GOLGA8S: variants seen among roughly 807,000 people sequenced by gnomAD.
GOLGA8S encodes golgin subfamily A member 8S.
A neutral mutation model predicts 58.9 loss-of-function variants in GOLGA8S; 23 were observed. The observed-to-expected ratio is 0.39, with a 90% CI of 0.28 to 0.55. GOLGA8S has a LOEUF of 0.55. Ranked by LOEUF, GOLGA8S falls within the 20% of genes least tolerant of loss-of-function variation. The pLI is 0.63. For synonymous variants in GOLGA8S, 84 were observed against 195.7 expected, an observed-to-expected ratio of 0.43 and a Z score of 4.76; for missense variants, 266 against 514.2, an observed-to-expected ratio of 0.52 and a Z score of 4.67.
rs1427733529 is a variant in GOLGA8S at position 23,364,517 on chromosome 15, C to T, written c.1449-9C>T. 6.2e-7 allele frequency: 1 copy of T among 1,603,316 alleles called. No homozygotes were observed. Among genetic ancestry groups the T allele is most frequent in the Non-Finnish European group, 8.5e-7 (1 of 1,178,842 alleles). ...GGGGCCCCAGCGTCTGAGCCCTGTC[C>T]TCCCGCAGGAAAATCCATCACCTTT... On this transcript the variant is annotated splice_polypyrimidine_tract_variant and intron_variant, in intron 16 of 18. Coordinates refer to ENST00000562295, the Ensembl canonical transcript of GOLGA8S.
In GOLGA8S at chr15:23,360,697, C is replaced by A. The variant is rs1209581396; in HGVS notation, c.787-31C>A. On this transcript the variant is annotated intron_variant, in intron 10 of 18. Coordinates refer to ENST00000562295, the Ensembl canonical transcript of GOLGA8S. ...CCTGTCCAGCCTCCAGCCCCTCTCTCCAGGGCCCTTTCCCCCTGTGCTTTG... is the reference window on the plus strand; with the variant it reads ...CCTGTCCAGCCTCCAGCCCCTCTCTACAGGGCCCTTTCCCCCTGTGCTTTG... The A allele has an allele frequency of 2.7e-6, 3 of 1,108,538 alleles. No individual in the cohort carries two copies. In the East Asian group the frequency reaches 7.0e-5, roughly 26 times the overall value. 68.7% of individuals were successfully genotyped at this position (1,108,538 alleles called of 1,614,324 possible). A position where few individuals can be genotyped will look rare whatever the true frequency, so the allele number is the denominator to read the frequency against.
chr15:23,364,025 G>T (rs1346817686), intron 15 of GOLGA8S, among the ~76,000 whole-genome samples: 3 of 137,190 alleles, frequency 2.2e-5, no homozygotes, highest in Non-Finnish European at 4.7e-5. Context: ...TTGCCCTCAG[G>T]TGGCATTTTT....
chr15:23,366,488 G>A (rs1250601890), downstream of GOLGA8S: 1 of 151,956 alleles, frequency 6.6e-6, no homozygotes, highest in African/African-American at 2.4e-5. Flanking sequence ...GAAAATCAAG[G>A]AGAAGTTTAT....
chr15:23,361,279 G>A, exon 12 of GOLGA8S: 4 of 1,473,320 alleles, frequency 2.7e-6, no homozygotes, highest in South Asian at 2.3e-5. Flanking sequence ...TGCAGCACCT[G>A]AGGAAGGAAC....
At chr15:23,366,503 C>T (rs1260555839), downstream of GOLGA8S, 1 of 151,886 alleles carries the variant, frequency 6.6e-6, no homozygotes, top group African/African-American at 2.4e-5. Flanking sequence ...GTTTATGAAA[C>T]TTAAAATGTG....
chr15:23,367,910 GA>G (rs915526694), downstream of GOLGA8S, among the ~76,000 whole-genome samples: 1 of 149,672 alleles, frequency 6.7e-6, no homozygotes, highest in Admixed American at 6.7e-5. Context: ...TTCCAGAAAT[GA>G]AAAAAAAATC....
chr15:23,361,316 G>C, exon 12 of GOLGA8S: 1 of 1,288,162 alleles, frequency 7.8e-7, no homozygotes, highest in Non-Finnish European at 1.1e-6. Flanking sequence ...AGCGCTCCAG[G>C]CCCAGGTGGA....
downstream of GOLGA8S, chr15:23,366,733 G>A (rs1405710123): frequency 6.6e-6 from 1 of 150,736 alleles, no homozygotes; most frequent in Non-Finnish European, 1.5e-5. Flanking sequence ...TGCCTAAATC[G>A]TAACTTGATG....
chr15:23,361,429 C>T (rs747845626), exon 12 of GOLGA8S: 41 of 787,290 alleles, frequency 5.2e-5, no homozygotes, highest in Admixed American at 3.3e-4. Context: ...AGCAGCTGGC[C>T]GAGCCACAGA....
chr15:23,361,270 G>A lies in GOLGA8S; in HGVS notation c.924G>A (p.Leu308=), dbSNP rs763845375. Reference sequence around the variant, plus strand: ...CAGCAGTGCCCTCTGAGGCGGAGCTGCAGCACCTGAGGAAGGAACTAGAGA... The same window carrying A: ...CAGCAGTGCCCTCTGAGGCGGAGCTACAGCACCTGAGGAAGGAACTAGAGA... Residue 308 remains leucine (L), a synonymous_variant, in exon 12 of 19, where the codon CTG becomes CTA. Coordinates refer to ENST00000562295, the Ensembl canonical transcript of GOLGA8S. The A allele has an allele frequency of 1.0e-4, 154 of 1,489,790 alleles. 5 individuals carry two copies. The highest frequency in any genetic ancestry group is 1.4e-4 in the Non-Finnish European group (150 of 1,079,452). 92.3% of individuals were successfully genotyped at this position (1,489,790 alleles called of 1,614,324 possible). A position where few individuals can be genotyped will look rare whatever the true frequency, so the allele number is the denominator to read the frequency against.
rs140059935 is a variant in GOLGA8S at position 23,364,403 on chromosome 15, G to T, written c.1408G>T (p.Glu470Ter). The change falls in exon 16 of 19, where the codon GAA becomes TAA. Residue 470 changes from glutamate (E) to a stop codon, truncating the protein, a stop_gained. Coordinates refer to ENST00000562295, the Ensembl canonical transcript of GOLGA8S. LOFTEE classifies it high-confidence loss of function. ...CCTGAGTGAGCTGGTGAAGAAACAA[G>T]AACTTCGCTTCATTCAATACTGGCA... 206,194 of 1,603,938 alleles carry T rather than the reference G, an allele frequency of 0.13. 15,072 individuals are homozygous for T. Among genetic ancestry groups the T allele is most frequent in the East Asian group, 0.24 (10,605 of 44,830 alleles).
At chr15:23,360,926 A>C (rs1479587347) in intron 11 of GOLGA8S, 111 bp downstream of exon 11, 2 of 792,938 alleles carry the variant, frequency 2.5e-6, no homozygotes, top group East Asian at 4.8e-5. Flanking sequence ...AGGCAGAGGG[A>C]AAGAGGTCTG....
chr15:23,367,659 T>C (rs1321105706), downstream of GOLGA8S, among the ~76,000 whole-genome samples: 5 of 151,992 alleles, frequency 3.3e-5, no homozygotes, highest in East Asian at 1.9e-4. Context: ...CCAAAGTGCA[T>C]GCAGTCTTTT....
downstream of GOLGA8S, among the ~76,000 whole-genome samples, chr15:23,368,327 G>A (rs1252234980): frequency 2.0e-5 from 3 of 151,720 alleles, no homozygotes; most frequent in Non-Finnish European, 4.4e-5. Context: ...TCTAAGTGTT[G>A]TTTTTGCCTT....
chr15:23,365,017 C>A, exon 19 of GOLGA8S: 1 of 1,579,414 alleles, frequency 6.3e-7, no homozygotes, highest in Non-Finnish European at 8.6e-7. Flanking sequence ...AGGATCCTCT[C>A]CTTGACAAGC....
At position 23,360,814 on chromosome 15, in the gene GOLGA8S, GGGTAAGATGGGGCTGGCGTGACCT is replaced by G; in HGVS notation, c.874+2_874+25del. 6.9e-7 allele frequency: 1 copy of G among 1,439,500 alleles called. No homozygotes were observed. The highest frequency in any genetic ancestry group is 9.8e-7 in the Non-Finnish European group (1 of 1,023,438). 89.2% of individuals were successfully genotyped at this position (1,439,500 alleles called of 1,614,324 possible). On this transcript the variant is annotated splice_donor_variant and splice_donor_5th_base_variant and coding_sequence_variant and intron_variant, in exon 11 of 19. Transcript: ENST00000562295. LOFTEE classifies it high-confidence loss of function. ...GCTTGTCCAAACTCAAAAACCAGAT[GGGTAAGATGGGGCTGGCGTGACCT>G]GGCAGCAGGACTGGCATCAGAGGGC... is the stretch of plus-strand genomic sequence containing the variant.
intron 15 of GOLGA8S, 148 bp downstream of exon 15, chr15:23,363,917 A>G (rs4036688): frequency 0.025 from 14,492 of 576,784 alleles, 527 homozygotes; most frequent in Admixed American, 0.1. Flanking sequence ...TTCACCTGTG[A>G]CCAACATGTG....
Position 23,361,228 on chromosome 15 carries a change from T to C in GOLGA8S, c.882T>C (p.Pro294=), listed in dbSNP as rs750963192. The C allele has an allele frequency of 1.5e-5, 22 of 1,468,500 alleles. 2 individuals are homozygous for C. The highest frequency in any genetic ancestry group is 3.5e-5 in the South Asian group (3 of 86,850). 91.0% of individuals were successfully genotyped at this position (1,468,500 alleles called of 1,614,324 possible). Residue 294 remains proline, a synonymous_variant, in exon 12 of 19, where the codon CCT becomes CCC. Coordinates refer to ENST00000562295, the Ensembl canonical transcript of GOLGA8S. ...GTCTGCTTCCTTTCTCAGCTGAACC[T>C]CTGCCCCCGGAGCCCCCAGCAGTGC...
downstream of GOLGA8S, chr15:23,365,523 A>G (rs2069906240): frequency 9.5e-6 from 3 of 316,750 alleles, no homozygotes; most frequent in South Asian, 3.1e-5. Flanking sequence ...TATTCACTAC[A>G]GAATTCAGAC....
Sources: allele counts gnomAD v4.1 joint callset (sites outside exome capture counted in the v4.1 genomes callset), GRCh38; gene constraint gnomAD v4.1.1; transcripts MANE v1.5; gene names NCBI Gene and HGNC (gene_info 2026-07-23, HGNC 2026-07-21).